XIRP2: variants seen among roughly 807,000 people sequenced by gnomAD.
XIRP2 encodes the protein xin actin binding repeat containing 2.
In XIRP2, 236 loss-of-function variants were observed where a neutral mutation model predicts 277.0. The observed-to-expected ratio is 0.85, with a 90% CI of 0.77 to 0.95. The LOEUF (loss-of-function observed/expected upper bound fraction) is 0.95. Among genes scored for constraint, XIRP2 ranks in the 40% least tolerant of loss-of-function variants. The pLI is 0.00. For missense variants in XIRP2, 4,640 were observed against 4,157.5 expected (o/e 1.12, Z -3.19); for synonymous variants, 1,490 against 1,416.5 (o/e 1.05, Z -1.17).
chr2:166,956,129 G>A (rs750466598), intron 2 of XIRP2, among the ~76,000 whole-genome samples: 43 of 151,804 alleles, frequency 2.8e-4, no homozygotes, highest in Non-Finnish European at 5.0e-4. Flanking sequence ...TTATCTCTGG[G>A]AGAGAGAAAG....
chr2:167,163,378 T>A lies in XIRP2; in HGVS notation c.562+27316T>A, dbSNP rs1021187099. Among the ~76,000 whole-genome samples the A allele has an allele frequency of 2.6e-5, 4 of 152,240 alleles. No individual in the cohort carries two copies. In the East Asian group the frequency reaches 7.7e-4, roughly 29 times the overall value. On this transcript the variant is annotated intron_variant, in intron 3 of 10. Transcript: ENST00000409195. ...GCCATTCAAGTGGATATGAGTTGTA[T>A]TCCCTTGTAGTTTTAATTAGCATTT...
intron 2 of XIRP2, among the ~76,000 whole-genome samples, chr2:166,916,274 A>T (rs1243633584): frequency 6.6e-6 from 1 of 152,186 alleles, no homozygotes; most frequent in Non-Finnish European, 1.5e-5. Context: ...TTAAACCCAG[A>T]CATGTGGGAC....
At chr2:166,938,854 T>C (rs995476014) in intron 2 of XIRP2, among the ~76,000 whole-genome samples, 1 of 152,166 alleles carries the variant, frequency 6.6e-6, no homozygotes, top group African/African-American at 2.4e-5. Flanking sequence ...TAATGGCCTC[T>C]TTTGTCTCTT....
At chr2:166,932,104 G>A (rs779253039) in intron 2 of XIRP2, among the ~76,000 whole-genome samples, 2 of 151,516 alleles carry the variant, frequency 1.3e-5, no homozygotes, top group Non-Finnish European at 2.9e-5. Flanking sequence ...TATTAAATTG[G>A]TTTTTGTATT....
rs149548600 is a variant in XIRP2, at chr2:167,096,470, T to C, written c.409-39439T>C. On this transcript the variant is annotated intron_variant, in intron 2 of 10. Coordinates refer to ENST00000409195, the MANE Select transcript of XIRP2 (RefSeq NM_152381.6). ...CTTTATTAGTCTGGTTAGTGGTCTA[T>C]CTATTTTGCCAATCTTTTCAAAAAA... is the stretch of plus-strand genomic sequence containing the variant. Among the ~76,000 whole-genome samples, 773 of 152,266 alleles carry C rather than the reference T, an allele frequency of 5.1e-3. 10 individuals are homozygous for C. The highest frequency in any genetic ancestry group is 0.017 in the African/African-American group (713 of 41,560).
chr2:167,246,607 GA>G lies in XIRP2; in HGVS notation c.5216del (p.Glu1739GlyfsTer12). ...ISERAKIDAS[E>X]RGNVQFFTTC... is the part of the protein sequence containing the mutation. Reference sequence around the variant, plus strand: ...TGAAAGGGCTAAAATTGATGCCTCTGAGAGAGGAAATGTTCAGTTTTTCACA... The same window carrying G: ...TGAAAGGGCTAAAATTGATGCCTCTGGAGAGGAAATGTTCAGTTTTTCACA... On this transcript the variant is annotated frameshift_variant, in exon 9 of 11. Transcript: ENST00000409195. LOFTEE classifies it high-confidence loss of function. The G allele has an allele frequency of 6.2e-7, 1 of 1,613,728 alleles. No individual in the cohort carries two copies. The highest frequency in any genetic ancestry group is 1.1e-5 in the South Asian group (1 of 91,072).
At chr2:167,210,112 A>G (rs907442235) in intron 3 of XIRP2, among the ~76,000 whole-genome samples, 7 of 152,272 alleles carry the variant, frequency 4.6e-5, no homozygotes, top group African/African-American at 1.7e-4. Context: ...TTTCTTATGT[A>G]ATACATGCCC....
chr2:166,942,751 A>G (rs1444215426), intron 2 of XIRP2, among the ~76,000 whole-genome samples: 1 of 152,238 alleles, frequency 6.6e-6, no homozygotes, highest in East Asian at 1.9e-4. Context: ...TACTTGTATT[A>G]GAAAAGAAAT....
chr2:166,973,838 T>C (rs1686637952), intron 2 of XIRP2, among the ~76,000 whole-genome samples: 1 of 152,248 alleles, frequency 6.6e-6, no homozygotes, highest in Non-Finnish European at 1.5e-5. Context: ...TATTTCTACA[T>C]ATAGATAGAT....
intron 3 of XIRP2, among the ~76,000 whole-genome samples, chr2:167,165,575 C>T (rs1692501814): frequency 1.3e-5 from 2 of 152,176 alleles, no homozygotes; most frequent in Admixed American, 6.5e-5. Context: ...GTTGTTTTAA[C>T]TTGAAGTTCT....
intron 5 of XIRP2, among the ~76,000 whole-genome samples, chr2:167,234,075 T>C (rs921254337): frequency 1.3e-5 from 2 of 151,668 alleles, no homozygotes; most frequent in African/African-American, 4.8e-5. Flanking sequence ...CTATAAATAA[T>C]ACTTTTAGAG....
chr2:167,026,898 T>C (rs1251283689), intron 2 of XIRP2, among the ~76,000 whole-genome samples: 1 of 152,170 alleles, frequency 6.6e-6, no homozygotes, highest in Non-Finnish European at 1.5e-5. Flanking sequence ...GGGCTTCCCT[T>C]TGTGGGTAAC....
intron 2 of XIRP2, among the ~76,000 whole-genome samples, chr2:167,127,968 T>C (rs1189621467): frequency 6.6e-6 from 1 of 152,218 alleles, no homozygotes; most frequent in Non-Finnish European, 1.5e-5. Context: ...CCCCCAGTTT[T>C]CTTCTAGATC....
intron 2 of XIRP2, among the ~76,000 whole-genome samples, chr2:166,949,108 G>A (rs1260098835): frequency 6.6e-6 from 1 of 151,894 alleles, no homozygotes; most frequent in Non-Finnish European, 1.5e-5. Context: ...AGTCAAATGA[G>A]AGTCAAATAG....
intron 5 of XIRP2, among the ~76,000 whole-genome samples, chr2:167,229,239 CCTTT>C (rs746436107): frequency 2.6e-5 from 4 of 151,994 alleles, no homozygotes; most frequent in Non-Finnish European, 4.4e-5. Flanking sequence ...TTGCTATTGC[CCTTT>C]CTATCTGAAG....
At chr2:167,242,328 T>G (rs1298658488) in intron 8 of XIRP2, among the ~76,000 whole-genome samples, 1 of 152,162 alleles carries the variant, frequency 6.6e-6, no homozygotes, top group Non-Finnish European at 1.5e-5. Flanking sequence ...AATTTTAAAA[T>G]ATTGAGTCCT....
intron 2 of XIRP2, among the ~76,000 whole-genome samples, chr2:166,955,843 A>G (rs1294968493): frequency 1.3e-5 from 2 of 150,756 alleles, no homozygotes; most frequent in Non-Finnish European, 3.0e-5. Flanking sequence ...GGCTAGCATC[A>G]GTTCTTTGGA....
chr2:166,907,694 G>A (rs1299703551), intron 2 of XIRP2, among the ~76,000 whole-genome samples: 2 of 151,084 alleles, frequency 1.3e-5, no homozygotes, highest in African/African-American at 4.9e-5. Flanking sequence ...TACATGTGCC[G>A]TGTTGGTGTG....
chr2:167,258,904 A>T lies in XIRP2; in HGVS notation c.*1087A>T. 1 of 1,613,176 alleles carries T rather than the reference A, an allele frequency of 6.2e-7. No homozygotes were observed. The highest frequency in any genetic ancestry group is 8.5e-7 in the Non-Finnish European group (1 of 1,179,612). Reference sequence around the variant, plus strand: ...TGGCTCTGAAGAAACAGACTGACAGAGCAGCTGCTGGCAGTCCTGTGCAGC... The same window carrying T: ...TGGCTCTGAAGAAACAGACTGACAGTGCAGCTGCTGGCAGTCCTGTGCAGC... On this transcript the variant is annotated 3_prime_UTR_variant, in exon 11 of 11. Coordinates refer to ENST00000409195, the MANE Select transcript of XIRP2 (RefSeq NM_152381.6).
Sources: gnomAD v4.1 joint callset for allele counts (sites outside exome capture counted in the v4.1 genomes callset) on GRCh38, gnomAD v4.1.1 for gene constraint, MANE v1.5 for transcripts, NCBI Gene and HGNC (gene_info 2026-07-23, HGNC 2026-07-21) for gene names.